Variants in MCF2L2 observed in about 807,000 individuals in gnomAD.
MCF2L2 encodes the protein MCF.2 cell line derived transforming sequence-like 2.
MCF2L2 carries 102 observed loss-of-function variants against 150.2 expected under a neutral mutation model. The observed-to-expected ratio is 0.68, with a 90% CI of 0.58 to 0.80. The LOEUF is 0.80. MCF2L2 is among the 30% of genes least tolerant of loss of function. The pLI, the probability that MCF2L2 is intolerant of heterozygous loss-of-function variation, is 0.00. For missense variants in MCF2L2, 1,256 were observed against 1,372.8 expected (o/e 0.91, Z 1.34); for synonymous variants, 465 against 491.3 (o/e 0.95, Z 0.71).
At chr3:183,295,574 C>A (rs1311660886) in intron 12 of MCF2L2, 97 bp from the exon 13 acceptor site, 10 of 1,202,956 alleles carry the variant, frequency 8.3e-6, no homozygotes, top group African/African-American at 1.5e-5. Context: ...CTACTCCCCC[C>A]ATCCCTACCT....
rs748576542 is a variant in MCF2L2, at chr3:183,309,733, G to GT, written c.1095dup (p.Leu366ThrfsTer45). The GT allele has an allele frequency of 1.2e-6, 2 of 1,613,730 alleles. No homozygotes were observed. Among genetic ancestry groups the GT allele is most frequent in the East Asian group, 4.5e-5 (2 of 44,844 alleles). On this transcript the variant is annotated frameshift_variant, in exon 10 of 30. Coordinates refer to ENST00000328913, the MANE Select transcript of MCF2L2 (RefSeq NM_015078.4). LOFTEE classifies it high-confidence loss of function. ...AAGCAAACCTGGCTTTTTTCCTCCA[G>GT]TTTTTTGTGTTCCTTAAGAATCTGC...
At chr3:183,233,604 T>C (rs995554546) in intron 15 of MCF2L2, among the ~76,000 whole-genome samples, 1 of 152,120 alleles carries the variant, frequency 6.6e-6, no homozygotes, top group African/African-American at 2.4e-5. Context: ...TGTAGAAATA[T>C]ACGTAAAACT....
rs1435674231 is a variant in MCF2L2, at chr3:183,223,561, G to C, written c.2209-123C>G. 3 of 688,330 alleles carry C rather than the reference G, an allele frequency of 4.4e-6. No homozygotes were observed. The African/African-American group carries it at 5.3e-5, about 12-fold the overall frequency. The allele number at this position is 688,330 out of a possible 1,614,324, so 42.6% of individuals were successfully genotyped here. On this transcript the variant is annotated intron_variant, in intron 19 of 29. Transcript: ENST00000328913. ...TGGACAACAGGGGCAGCTGTGTCGA[G>C]CAGCTCCATAAGGCTGTGGGGTTGT...
intron 13 of MCF2L2, among the ~76,000 whole-genome samples, chr3:183,291,860 T>C (rs77016523): frequency 0.02 from 3,049 of 152,352 alleles, 60 homozygotes; most frequent in East Asian, 0.051. Flanking sequence ...TTTGAAAAGC[T>C]GAGAAACAAC....
At chr3:183,354,673 C>T (rs1711655681) in intron 3 of MCF2L2, among the ~76,000 whole-genome samples, 1 of 152,188 alleles carries the variant, frequency 6.6e-6, no homozygotes, top group Non-Finnish European at 1.5e-5. Flanking sequence ...CAATGTACAT[C>T]TTACATGTAT....
chr3:183,311,903 A>T, intron 7 of MCF2L2, 131 bp from the exon 8 acceptor site: 1 of 745,964 alleles, frequency 1.3e-6, no homozygotes, highest in African/African-American at 1.8e-5. Flanking sequence ...GTCAAGATGC[A>T]GCTTTAATCA....
At chr3:183,275,855 A>G (rs1327556737) in intron 15 of MCF2L2, among the ~76,000 whole-genome samples, 1 of 152,138 alleles carries the variant, frequency 6.6e-6, no homozygotes, top group Non-Finnish European at 1.5e-5. Context: ...GGCTCGAGCA[A>G]TCCTCCTACC....
At chr3:183,385,469 A>G (rs1713778489) in intron 2 of MCF2L2, among the ~76,000 whole-genome samples, 1 of 152,160 alleles carries the variant, frequency 6.6e-6, no homozygotes, top group Admixed American at 6.5e-5. Context: ...GGTGTGTATG[A>G]GGTGAAACTG....
In MCF2L2 at chr3:183,213,002, T is replaced by C. The variant is rs372970577; in HGVS notation, c.2496+2967A>G. 5.5e-4 allele frequency among the ~76,000 whole-genome samples: 84 copies of C among 151,538 alleles called. 3 individuals carry two copies. In the East Asian group the frequency reaches 0.013, roughly 24 times the overall value. On this transcript the variant is annotated intron_variant, in intron 22 of 29. Coordinates refer to ENST00000328913, the MANE Select transcript of MCF2L2 (RefSeq NM_015078.4). Reference sequence around the variant, plus strand: ...GAATGAAGAAGATACTTTGCCTGGGTCACTAGGATTATTTACTTAGCCCTA... The same window carrying C: ...GAATGAAGAAGATACTTTGCCTGGGCCACTAGGATTATTTACTTAGCCCTA...
rs1248478172 is a variant in MCF2L2, at chr3:183,181,633, T to C, written c.3017-1474A>G. On this transcript the variant is annotated intron_variant, in intron 27 of 29. Coordinates refer to ENST00000328913, the MANE Select transcript of MCF2L2 (RefSeq NM_015078.4). This position sits in a 1 kb window ranked among gnomAD's most constrained non-coding sequence, Gnocchi z 4.3. ...CAAGCAGTGAGAATGGAAGAATGAT[T>C]GTCTTGCTGAAAGTTCTGTGATGGA... Among the ~76,000 whole-genome samples the C allele has an allele frequency of 6.6e-6, 1 of 152,106 alleles. No homozygotes were observed. Among genetic ancestry groups the C allele is most frequent in the Admixed American group, 6.5e-5 (1 of 15,272 alleles).
At chr3:183,301,863 T>C (rs777978277) in intron 10 of MCF2L2, among the ~76,000 whole-genome samples, 1 of 152,032 alleles carries the variant, frequency 6.6e-6, no homozygotes, top group Non-Finnish European at 1.5e-5. Flanking sequence ...GATTTTAAGA[T>C]TGGCCCTTTG....
Position 183,379,491 on chromosome 3 carries a change from A to G in MCF2L2, c.161-80T>C. 4 of 890,774 alleles carry G rather than the reference A, an allele frequency of 4.5e-6. No individual in the cohort carries two copies. In the South Asian group the frequency reaches 6.0e-5, roughly 13 times the overall value. 55.2% of individuals were successfully genotyped at this position (890,774 alleles called of 1,614,324 possible). The stretch of plus-strand genomic sequence containing the variant: ...CTGCAGGGAAGTTGGGCGAAAGAAT[A>G]TCGGTCACCTCTTTTCCTACCTATA... On this transcript the variant is annotated intron_variant, in intron 2 of 29. Coordinates refer to ENST00000328913, the MANE Select transcript of MCF2L2 (RefSeq NM_015078.4).
intron 15 of MCF2L2, among the ~76,000 whole-genome samples, chr3:183,241,141 TG>T: frequency 6.6e-6 from 1 of 152,260 alleles, no homozygotes; most frequent in African/African-American, 2.4e-5. Context: ...AACCAGGGGT[TG>T]GGGGAGACAC....
intron 2 of MCF2L2, among the ~76,000 whole-genome samples, chr3:183,381,285 G>A (rs566447030): frequency 1.8e-4 from 27 of 152,282 alleles, no homozygotes; most frequent in African/African-American, 6.0e-4. Context: ...TGTGGTCCAC[G>A]AAGAAACTAT....
At chr3:183,245,394 C>T (rs1299482642) in intron 15 of MCF2L2, among the ~76,000 whole-genome samples, 2 of 152,150 alleles carry the variant, frequency 1.3e-5, no homozygotes, top group African/African-American at 4.8e-5. Context: ...CATGGCCACA[C>T]ACAGGGCCTT....
At chr3:183,192,945 G>A in intron 27 of MCF2L2, 54 bp downstream of exon 27, 5 of 1,337,346 alleles carry the variant, frequency 3.7e-6, no homozygotes, top group Non-Finnish European at 5.4e-6. Flanking sequence ...CATCTAAGCA[G>A]CTGGCATCAC....
At chr3:183,277,826 T>G (rs867668025) in intron 14 of MCF2L2, among the ~76,000 whole-genome samples, 1 of 151,536 alleles carries the variant, frequency 6.6e-6, no homozygotes, top group Non-Finnish European at 1.5e-5. Flanking sequence ...AATAAGAATC[T>G]AAATTTTAGT....
chr3:183,421,005 T>C (rs865984711), intron 1 of MCF2L2, among the ~76,000 whole-genome samples: 2 of 152,108 alleles, frequency 1.3e-5, no homozygotes, highest in Non-Finnish European at 2.9e-5. Flanking sequence ...TTAGCACTTT[T>C]TGCTTTCTGT....
chr3:183,412,689 A>G (rs1355737698), intron 1 of MCF2L2, among the ~76,000 whole-genome samples: 1 of 152,062 alleles, frequency 6.6e-6, no homozygotes, highest in African/African-American at 2.4e-5. Flanking sequence ...CTCCCTTTCC[A>G]ATCTGGATGC....
Sources: allele counts gnomAD v4.1 joint callset (sites outside exome capture counted in the v4.1 genomes callset), GRCh38; gene constraint gnomAD v4.1.1; non-coding constraint Gnocchi (gnomAD v3.1); transcripts MANE v1.5; gene names NCBI Gene and HGNC (gene_info 2026-07-23, HGNC 2026-07-21).